The following SEMA3A variants were observed in gnomAD, a reference collection of about 807,000 sequenced individuals.
SEMA3A encodes the protein semaphorin 3A.
In SEMA3A, 29 loss-of-function variants were observed where a neutral mutation model predicts 97.9. The observed-to-expected ratio is 0.30, with a 90% CI of 0.22 to 0.40. SEMA3A has a LOEUF of 0.40. SEMA3A is among the 10% of genes least tolerant of loss of function. The pLI is 1.00. For missense variants in SEMA3A, 763 were observed against 951.3 expected (o/e 0.80, Z 2.60); for synonymous variants, 321 against 323.7 (o/e 0.99, Z 0.09).
At chr7:84,312,878 A>G (rs1271480216) in intron 2 of SEMA3A, among the ~76,000 whole-genome samples, 4 of 19,246 alleles carry the variant, frequency 2.1e-4, no homozygotes. Context: ...TGTTTTATAT[A>G]TATATATATA....
intron 6 of SEMA3A, among the ~76,000 whole-genome samples, chr7:84,019,267 A>G (rs1054524647): frequency 1.3e-5 from 2 of 152,176 alleles, no homozygotes; most frequent in Admixed American, 6.5e-5. Context: ...GTGCGTCTTT[A>G]GAGAGCCTTG....
intron 1 of SEMA3A, among the ~76,000 whole-genome samples, chr7:84,443,467 T>G (rs1014152099): frequency 1.3e-5 from 2 of 152,094 alleles, no homozygotes; most frequent in African/African-American, 4.8e-5. Context: ...TTTTTTTACT[T>G]TATTAATGGA....
At chr7:84,090,821 C>T (rs1794542510) in intron 4 of SEMA3A, among the ~76,000 whole-genome samples, 1 of 151,642 alleles carries the variant, frequency 6.6e-6, no homozygotes, top group African/African-American at 2.4e-5. Flanking sequence ...AATCCTAGCA[C>T]TTTGAGAGGC....
At chr7:84,123,351 A>G (rs1795686267) in intron 3 of SEMA3A, among the ~76,000 whole-genome samples, 1 of 151,990 alleles carries the variant, frequency 6.6e-6, no homozygotes, top group Non-Finnish European at 1.5e-5. Context: ...TCTCTGTCCA[A>G]CAGTATTATA....
intron 3 of SEMA3A, among the ~76,000 whole-genome samples, chr7:84,242,928 G>A (rs1419267096): frequency 6.6e-6 from 1 of 152,048 alleles, no homozygotes; most frequent in African/African-American, 2.4e-5. Flanking sequence ...TTTATGTGAT[G>A]GATTATGTTT....
intron 1 of SEMA3A, among the ~76,000 whole-genome samples, chr7:84,146,610 A>G (rs1431746197): frequency 6.6e-6 from 1 of 152,224 alleles, no homozygotes; most frequent in Non-Finnish European, 1.5e-5. Flanking sequence ...AAATGTAATG[A>G]CTGCATAAAA....
intron 3 of SEMA3A, among the ~76,000 whole-genome samples, chr7:84,113,753 A>C (rs1325602623): frequency 6.6e-6 from 1 of 152,124 alleles, no homozygotes; most frequent in African/African-American, 2.4e-5. Flanking sequence ...TTGACCTCTT[A>C]TTTTACTGAA....
intron 2 of SEMA3A, among the ~76,000 whole-genome samples, chr7:84,332,765 C>T (rs1369796354): frequency 6.6e-6 from 1 of 151,864 alleles, no homozygotes; most frequent in African/African-American, 2.4e-5. Flanking sequence ...TTAGTTCTTA[C>T]CCCAGAGTAA....
At chr7:84,428,651 T>G (rs1435458125) in intron 1 of SEMA3A, among the ~76,000 whole-genome samples, 1 of 152,082 alleles carries the variant, frequency 6.6e-6, no homozygotes, top group Non-Finnish European at 1.5e-5. Context: ...ATTCCATTAG[T>G]ATAAAAATTT....
rs983427599 is a variant in SEMA3A at position 83,996,334 on chromosome 7, CCTCT to C, written c.1452+5617_1452+5620del. ...TTTTTTTTTTTTGAGATGTAGTCTC[CCTCT>C]GTCGCTCAGGCTGGAGTGCAGTGGT... On this transcript the variant is annotated intron_variant, in intron 12 of 16. Coordinates refer to ENST00000265362, the MANE Select transcript of SEMA3A (RefSeq NM_006080.3). Among the ~76,000 whole-genome samples the C allele has an allele frequency of 3.5e-5, 5 of 144,090 alleles. No individual in the cohort carries two copies. The South Asian group carries it at 1.1e-3, about 32-fold the overall frequency. The allele number at this position is 144,090 out of a possible 152,430, so 94.5% of individuals were successfully genotyped here.
At chr7:83,996,837 C>T (rs1790243017) in intron 12 of SEMA3A, among the ~76,000 whole-genome samples, 1 of 152,086 alleles carries the variant, frequency 6.6e-6, no homozygotes, top group Non-Finnish European at 1.5e-5. Context: ...AAAGACATTT[C>T]TAGAGTCCTG....
intron 1 of SEMA3A, among the ~76,000 whole-genome samples, chr7:84,158,442 A>G (rs66539631): frequency 0.092 from 13,978 of 151,982 alleles, 1,581 homozygotes; most frequent in African/African-American, 0.26. Flanking sequence ...GTGAGCCACC[A>G]CACCTGGCCA....
At chr7:84,281,908 T>G (rs1000489078) in intron 3 of SEMA3A, among the ~76,000 whole-genome samples, 2 of 152,206 alleles carry the variant, frequency 1.3e-5, no homozygotes, top group Admixed American at 1.3e-4. Context: ...TGTGTTTTGA[T>G]AGTGCTGAGA....
chr7:83,988,152 GC>G lies in SEMA3A; in HGVS notation c.1453-2676del, dbSNP rs201577862. On this transcript the variant is annotated intron_variant, in intron 12 of 16. Coordinates refer to ENST00000265362, the MANE Select transcript of SEMA3A (RefSeq NM_006080.3). ...ACTCCTAACATATTTACTGTTCCTT[GC>G]CCACTCCTTTCTACTCTCCTTTGGA... Among the ~76,000 whole-genome samples, 939 of 151,960 alleles carry G rather than the reference GC, an allele frequency of 6.2e-3. 5 individuals carry two copies. Among genetic ancestry groups the G allele is most frequent in the African/African-American group, 0.018 (760 of 41,442 alleles).
chr7:84,085,966 T>TGGAC (rs1794324858), intron 4 of SEMA3A, among the ~76,000 whole-genome samples: 1 of 152,160 alleles, frequency 6.6e-6, no homozygotes, highest in Non-Finnish European at 1.5e-5. Context: ...TTGCCATTGT[T>TGGAC]GGACACATTG....
In SEMA3A at chr7:84,406,042, T is replaced by C. The variant is rs1359945303; in HGVS notation, c.-245-34142A>G. 2.6e-5 allele frequency among the ~76,000 whole-genome samples: 4 copies of C among 151,874 alleles called. 1 individual carries two copies. Among genetic ancestry groups the C allele is most frequent in the African/African-American group, 9.7e-5 (4 of 41,294 alleles). On this transcript the variant is annotated intron_variant, in intron 1 of 3. Transcript: ENST00000424555. Reference sequence around the variant, plus strand: ...AAGCTAGCAGAAGGCGAGAAATAACTAAGATCAGAGCAAAACTGAAGGAAA... The same window carrying C: ...AAGCTAGCAGAAGGCGAGAAATAACCAAGATCAGAGCAAAACTGAAGGAAA...
At chr7:84,154,336 A>G (rs771754054) in intron 1 of SEMA3A, among the ~76,000 whole-genome samples, 21 of 152,172 alleles carry the variant, frequency 1.4e-4, no homozygotes, top group Non-Finnish European at 2.8e-4. Context: ...ATTATTTTGA[A>G]AAGTCAATAC....
At chr7:84,292,374 T>G (rs1800770476) in intron 3 of SEMA3A, among the ~76,000 whole-genome samples, 1 of 151,990 alleles carries the variant, frequency 6.6e-6, no homozygotes, top group Admixed American at 6.6e-5. Context: ...GCATTATTAT[T>G]AATTTCATGT....
chr7:84,112,970 C>T lies in SEMA3A; in HGVS notation c.334-2381G>A, dbSNP rs116509499. 4.8e-3 allele frequency among the ~76,000 whole-genome samples: 726 copies of T among 152,290 alleles called. 4 individuals are homozygous for T. Among genetic ancestry groups the T allele is most frequent in the African/African-American group, 0.016 (683 of 41,574 alleles). Reference sequence around the variant, plus strand: ...TAGACTCACCCTATTGGCCTAAGGCCTGGAATGATTCCCTTCATTTCCCCA... The same window carrying T: ...TAGACTCACCCTATTGGCCTAAGGCTTGGAATGATTCCCTTCATTTCCCCA... On this transcript the variant is annotated intron_variant, in intron 3 of 16. Coordinates refer to ENST00000265362, the MANE Select transcript of SEMA3A (RefSeq NM_006080.3).
Sources: gnomAD v4.1 joint callset for allele counts (sites outside exome capture counted in the v4.1 genomes callset) on GRCh38, gnomAD v4.1.1 for gene constraint, MANE v1.5 for transcripts, NCBI Gene and HGNC (gene_info 2026-07-23, HGNC 2026-07-21) for gene names.